PODXL2: variants seen among roughly 807,000 people sequenced by gnomAD.
PODXL2 encodes the protein podocalyxin-like protein 2.
PODXL2 carries 17 observed loss-of-function variants against 53.4 expected under a neutral mutation model. That is an observed-to-expected ratio of 0.32 (90% confidence interval 0.22 to 0.48). PODXL2 has a LOEUF of 0.48. Among genes scored for constraint, PODXL2 ranks in the 20% least tolerant of loss-of-function variants. PODXL2 has a pLI of 0.99. For missense variants in PODXL2, 673 were observed against 760.0 expected (o/e 0.89, Z 1.35); for synonymous variants, 311 against 306.7 (o/e 1.01, Z -0.15).
chr3:127,636,610 C>G (rs145246651), intron 1 of PODXL2, among the ~76,000 whole-genome samples: 18 of 152,250 alleles, frequency 1.2e-4, no homozygotes, highest in Admixed American at 2.6e-4. Flanking sequence ...ACTTCAGCTT[C>G]GTGGAGCCAG....
chr3:127,634,870 T>C (rs2074567494), intron 1 of PODXL2, among the ~76,000 whole-genome samples: 1 of 152,182 alleles, frequency 6.6e-6, no homozygotes, highest in African/African-American at 2.4e-5. Flanking sequence ...TGAGAAGCGC[T>C]GATTAGAGGG....
intron 4 of PODXL2, chr3:127,665,835 A>G: frequency 2.6e-6 from 1 of 385,664 alleles, no homozygotes; most frequent in Non-Finnish European, 5.2e-6. Context: ...TGCTTACAAG[A>G]TGTTCCAGGC....
intron 2 of PODXL2, among the ~76,000 whole-genome samples, chr3:127,652,787 C>T (rs1402593734): frequency 6.6e-6 from 1 of 151,942 alleles, no homozygotes; most frequent in Non-Finnish European, 1.5e-5. Flanking sequence ...GTGGAGGGAC[C>T]CTTCTCCTGA....
Position 127,661,179 on chromosome 3 carries a change from G to A in PODXL2, c.1131+20G>A, listed in dbSNP as rs777918893. The A allele has an allele frequency of 2.5e-6, 4 of 1,579,394 alleles. No individual in the cohort carries two copies. The highest frequency in any genetic ancestry group is 4.5e-5 in the East Asian group (2 of 44,674). On this transcript the variant is annotated intron_variant, in intron 3 of 7. Coordinates refer to ENST00000342480, the MANE Select transcript of PODXL2 (RefSeq NM_015720.4). The stretch of plus-strand genomic sequence containing the variant: ...ACGCAGGTAAAGTGAGGGGCATGCG[G>A]GCCACCACCCTGTACCTTCTTCACA...
At chr3:127,647,859 A>T (rs573686212) in intron 2 of PODXL2, among the ~76,000 whole-genome samples, 2 of 152,340 alleles carry the variant, frequency 1.3e-5, no homozygotes, top group Admixed American at 1.3e-4. Context: ...GTCCAGGCCC[A>T]TGTTGAGCTG....
chr3:127,662,069 C>T (rs1160033915), intron 3 of PODXL2, among the ~76,000 whole-genome samples, 168 bp from the exon 4 acceptor site: 1 of 152,188 alleles, frequency 6.6e-6, no homozygotes, highest in Admixed American at 6.5e-5. Context: ...CGAGTTTGTA[C>T]TCCTTGGCAT....
In PODXL2 at chr3:127,660,472, G is replaced by A; in HGVS notation, c.444G>A (p.Lys148=). The change falls in exon 3 of 8, where the codon AAG becomes AAA. Residue 148 remains lysine (K), a synonymous_variant. Transcript: ENST00000342480. ...ELPNLPSPLP[K]MNLVEPPWHM... ...CAAACCTCCCCTCTCCCTTGCCCAAGATGAATCTGGTTGAGCCTCCCTGGC... is the reference window on the plus strand; with the variant it reads ...CAAACCTCCCCTCTCCCTTGCCCAAAATGAATCTGGTTGAGCCTCCCTGGC... 1 of 1,614,174 alleles carries A rather than the reference G, an allele frequency of 6.2e-7. No individual in the cohort carries two copies. Among genetic ancestry groups the A allele is most frequent in the Non-Finnish European group, 8.5e-7 (1 of 1,180,026 alleles).
intron 4 of PODXL2, among the ~76,000 whole-genome samples, chr3:127,665,449 G>A (rs916681314): frequency 2.0e-5 from 3 of 152,152 alleles, no homozygotes; most frequent in Non-Finnish European, 4.4e-5. Flanking sequence ...CAGGCTCAGT[G>A]GCTTCTATTT....
At chr3:127,664,828 A>G (rs540027755) in intron 4 of PODXL2, among the ~76,000 whole-genome samples, 10 of 152,146 alleles carry the variant, frequency 6.6e-5, no homozygotes, top group African/African-American at 2.2e-4. Flanking sequence ...TTCCCTGATG[A>G]TTGGTGATGT....
At chr3:127,644,557 A>T (rs1559874184) in intron 2 of PODXL2, among the ~76,000 whole-genome samples, 1 of 152,164 alleles carries the variant, frequency 6.6e-6, no homozygotes, top group Non-Finnish European at 1.5e-5. Flanking sequence ...GAGGGCCCTG[A>T]AGCCTTGATG....
chr3:127,650,603 G>A (rs1445064104), intron 2 of PODXL2, among the ~76,000 whole-genome samples: 1 of 152,104 alleles, frequency 6.6e-6, no homozygotes, highest in African/African-American at 2.4e-5. Flanking sequence ...AATATTTACT[G>A]TGTACCCCCT....
Position 127,669,136 on chromosome 3 carries a change from C to T in PODXL2, c.1364-5C>T. 1 of 1,601,808 alleles carries T rather than the reference C, an allele frequency of 6.2e-7. No individual in the cohort carries two copies. The highest frequency in any genetic ancestry group is 8.5e-7 in the Non-Finnish European group (1 of 1,173,924). On this transcript the variant is annotated splice_polypyrimidine_tract_variant and splice_region_variant and intron_variant, in intron 5 of 7. Coordinates refer to ENST00000342480, the MANE Select transcript of PODXL2 (RefSeq NM_015720.4). ...ACACTGATAGTGGTGTTTCTTACCC[C>T]CCAGGGGTGGTGCCCACTCAAGATG...
intron 2 of PODXL2, among the ~76,000 whole-genome samples, chr3:127,658,084 C>T (rs911342013): frequency 2.6e-5 from 4 of 152,160 alleles, no homozygotes; most frequent in African/African-American, 9.7e-5. Context: ...TCTGTAGTGA[C>T]TTCACTACAG....
At chr3:127,650,430 A>G (rs1055642056) in intron 2 of PODXL2, among the ~76,000 whole-genome samples, 1 of 152,222 alleles carries the variant, frequency 6.6e-6, no homozygotes, top group Non-Finnish European at 1.5e-5. Flanking sequence ...CTGGAGCTGC[A>G]TCTGAGCCAG....
intron 7 of PODXL2, among the ~76,000 whole-genome samples, chr3:127,671,865 G>A (rs879365120): frequency 1.3e-5 from 2 of 152,184 alleles, no homozygotes; most frequent in South Asian, 2.1e-4. Flanking sequence ...GCCCCTTTCC[G>A]GCGCAGGCAC....
chr3:127,659,878 A>T (rs923511342), intron 2 of PODXL2, among the ~76,000 whole-genome samples: 4 of 152,182 alleles, frequency 2.6e-5, no homozygotes, highest in African/African-American at 9.7e-5. Context: ...CAGTTGAGGA[A>T]CAATGGTCAT....
intron 2 of PODXL2, among the ~76,000 whole-genome samples, chr3:127,654,709 C>T (rs1168771825): frequency 6.6e-6 from 1 of 152,190 alleles, no homozygotes; most frequent in Admixed American, 6.5e-5. Context: ...AACTCAAGTG[C>T]TTATCCTGCT....
intron 4 of PODXL2, chr3:127,665,813 A>G: frequency 3.0e-6 from 1 of 336,402 alleles, no homozygotes; most frequent in East Asian, 8.7e-5. Flanking sequence ...TTCTCAGTGC[A>G]TGCCACACAC....
intron 2 of PODXL2, among the ~76,000 whole-genome samples, chr3:127,652,137 G>A (rs1324232148): frequency 2.0e-5 from 3 of 152,202 alleles, no homozygotes; most frequent in Non-Finnish European, 4.4e-5. Context: ...AAGAGTCTAA[G>A]AGTCTTACAA....
Sources: allele counts gnomAD v4.1 joint callset (sites outside exome capture counted in the v4.1 genomes callset), GRCh38; gene constraint gnomAD v4.1.1; transcripts MANE v1.5; gene names NCBI Gene and HGNC (gene_info 2026-07-23, HGNC 2026-07-21).